The following FPR3 variants were observed in gnomAD, a reference collection of about 807,000 sequenced individuals.
The protein encoded by FPR3 is formyl peptide receptor 3, also known as N-formyl peptide receptor 3.
For synonymous variants in FPR3, 135 were observed against 163.6 expected, an observed-to-expected ratio of 0.83 and a Z score of 1.34; for missense variants, 346 against 443.2, an observed-to-expected ratio of 0.78 and a Z score of 1.97.
In FPR3 at chr19:51,824,443, A is replaced by C; in HGVS notation, c.695A>C (p.His232Pro). 6.2e-7 allele frequency: 1 copy of C among 1,614,060 alleles called. No homozygotes were observed. The highest frequency in any genetic ancestry group is 8.5e-7 in the Non-Finnish European group (1 of 1,179,994). ...GIIAAKIHRNHMIKSSRPLRV... is the reference protein window; with the variant it reads ...GIIAAKIHRNPMIKSSRPLRV... ...ATCGCTGCCAAAATTCACAGAAACC[A>C]CATGATTAAATCCAGCCGTCCCTTA... The change falls in exon 2 of 2, where the codon CAC becomes CCC. Residue 232 changes from histidine (H) to proline (P), a missense_variant. Physicochemically the swap from His to Pro is moderately conservative, Grantham distance 77. Coordinates refer to ENST00000339223, the MANE Select transcript of FPR3 (RefSeq NM_002030.5). The surrounding 1 kb of genome is among the most constrained non-coding windows in gnomAD (Gnocchi z 4.7).
chr19:51,815,734 G>A (rs1214517310), intron 1 of FPR3, among the ~76,000 whole-genome samples: 6 of 151,824 alleles, frequency 4.0e-5, no homozygotes, highest in South Asian at 4.2e-4. Context: ...GGTATCTCAC[G>A]CCTGTAGTCC....
intron 1 of FPR3, among the ~76,000 whole-genome samples, chr19:51,797,626 A>G: frequency 6.6e-6 from 1 of 152,202 alleles, no homozygotes; most frequent in East Asian, 1.9e-4. Context: ...GTGCTTACAC[A>G]TATTAACACA....
intron 1 of FPR3, among the ~76,000 whole-genome samples, chr19:51,809,238 C>T (rs1415314182): frequency 1.3e-5 from 2 of 152,204 alleles, no homozygotes; most frequent in African/African-American, 4.8e-5. Context: ...ACATGACTGT[C>T]CATCTGGACC....
chr19:51,813,687 C>G (rs1464644426), intron 1 of FPR3, among the ~76,000 whole-genome samples: 9 of 152,080 alleles, frequency 5.9e-5, no homozygotes, highest in Admixed American at 2.0e-4. Flanking sequence ...CCTGCCACCA[C>G]GCCCAGCTAA....
At chr19:51,822,721 C>T (rs985064196) in intron 1 of FPR3, among the ~76,000 whole-genome samples, 9 of 152,214 alleles carry the variant, frequency 5.9e-5, no homozygotes, top group African/African-American at 2.2e-4. Context: ...TATTCATGCT[C>T]ATTCTGTTTA....
intron 1 of FPR3, among the ~76,000 whole-genome samples, chr19:51,797,761 T>TC (rs995772828): frequency 3.0e-4 from 46 of 152,232 alleles, no homozygotes; most frequent in African/African-American, 9.9e-4. Context: ...ACCCTGAGCT[T>TC]CATAGTGCAG....
At chr19:51,806,595 C>A (rs1402900366) in intron 1 of FPR3, among the ~76,000 whole-genome samples, 1 of 152,160 alleles carries the variant, frequency 6.6e-6, no homozygotes, top group East Asian at 1.9e-4. Context: ...ATGCCTTGTC[C>A]TCTAGGATTA....
rs1307612101 is a variant in FPR3, at chr19:51,825,790, T to C, written c.*980T>C. On this transcript the variant is annotated 3_prime_UTR_variant, in exon 2 of 2. Coordinates refer to ENST00000339223, the MANE Select transcript of FPR3 (RefSeq NM_002030.5). Reference sequence around the variant, plus strand: ...AATGAGGCCACTGTGGGTGTTATTTTTTCATGTCTGGACCTCAGCCTATAT... The same window carrying C: ...AATGAGGCCACTGTGGGTGTTATTTCTTCATGTCTGGACCTCAGCCTATAT... 1 of 167,132 alleles carries C rather than the reference T, an allele frequency of 6.0e-6. No homozygotes were observed. The highest frequency in any genetic ancestry group is 2.4e-5 in the African/African-American group (1 of 41,462). 10.4% of individuals were successfully genotyped at this position (167,132 alleles called of 1,614,324 possible). A position where few individuals can be genotyped will look rare whatever the true frequency, so the allele number is the denominator to read the frequency against.
intron 1 of FPR3, among the ~76,000 whole-genome samples, chr19:51,814,609 G>A (rs1055019173): frequency 1.5e-4 from 22 of 151,324 alleles, no homozygotes; most frequent in African/African-American, 4.6e-4. Context: ...TTCTCCTGCC[G>A]CAGTCTCCTG....
intron 1 of FPR3, among the ~76,000 whole-genome samples, chr19:51,821,013 T>C (rs974866127): frequency 6.6e-6 from 1 of 152,220 alleles, no homozygotes; most frequent in Non-Finnish European, 1.5e-5. Context: ...GTTCTTGTCC[T>C]GACCTTGAGC....
chr19:51,804,056 G>A (rs2084042128), intron 1 of FPR3: 1 of 152,172 alleles, frequency 6.6e-6, no homozygotes, highest in Admixed American at 6.5e-5. Flanking sequence ...GGGATCTTGA[G>A]TACCTGAAGG....
At chr19:51,799,785 CAG>C (rs2084018482) in intron 1 of FPR3, among the ~76,000 whole-genome samples, 1 of 152,232 alleles carries the variant, frequency 6.6e-6, no homozygotes, top group Non-Finnish European at 1.5e-5. Context: ...AGGCCCCTGA[CAG>C]GGGGCCACTA....
rs2084221708 is a variant in FPR3 at position 51,824,949 on chromosome 19, AG to A, written c.*144del. 1.4e-6 allele frequency: 1 copy of A among 719,320 alleles called. No homozygotes were observed. 44.6% of individuals were successfully genotyped at this position (719,320 alleles called of 1,614,324 possible). On this transcript the variant is annotated 3_prime_UTR_variant, in exon 2 of 2. Coordinates refer to ENST00000339223, the MANE Select transcript of FPR3 (RefSeq NM_002030.5). This position sits in a 1 kb window ranked among gnomAD's most constrained non-coding sequence, Gnocchi z 4.7. ...TAAAGGAAGTCTGTACCAAATCTGT[AG>A]GGGGTTTTTCCCACAACCAAGCAAT...
chr19:51,820,996 G>A (rs2084184320), intron 1 of FPR3, among the ~76,000 whole-genome samples: 1 of 152,208 alleles, frequency 6.6e-6, no homozygotes, highest in South Asian at 2.1e-4. Context: ...CTATTGCTAT[G>A]AGCATTGTTC....
intron 1 of FPR3, among the ~76,000 whole-genome samples, chr19:51,815,245 T>C (rs925417769): frequency 2.6e-5 from 4 of 151,952 alleles, no homozygotes; most frequent in African/African-American, 9.7e-5. Flanking sequence ...GAAGGGGAAG[T>C]GGGGACTGGA....
chr19:51,807,617 T>G (rs2084068983), intron 1 of FPR3, among the ~76,000 whole-genome samples: 2 of 152,204 alleles, frequency 1.3e-5, no homozygotes, highest in Non-Finnish European at 2.9e-5. Flanking sequence ...GCATGACCTT[T>G]GGAAGAGCCA....
intron 1 of FPR3, among the ~76,000 whole-genome samples, chr19:51,821,431 CA>C (rs891601219): frequency 5.9e-5 from 9 of 152,212 alleles, no homozygotes; most frequent in African/African-American, 1.7e-4. Context: ...GGATAGAGGC[CA>C]GGGGTGTTGC....
At chr19:51,806,083 C>T (rs2084056900) in intron 1 of FPR3, among the ~76,000 whole-genome samples, 1 of 152,180 alleles carries the variant, frequency 6.6e-6, no homozygotes, top group African/African-American at 2.4e-5. Context: ...GGATTAAAAA[C>T]ACAAACCACA....
chr19:51,825,068 T>C lies in FPR3; in HGVS notation c.*258T>C, dbSNP rs2084222851. ...CAGGTTTAAGGGCTCATTCCCCAAGTCTGCTCCTCCAGTTGAGACACAAGT... is the reference window on the plus strand; with the variant it reads ...CAGGTTTAAGGGCTCATTCCCCAAGCCTGCTCCTCCAGTTGAGACACAAGT... On this transcript the variant is annotated 3_prime_UTR_variant, in exon 2 of 2. Transcript: ENST00000339223. The C allele has an allele frequency of 5.2e-6, 2 of 386,284 alleles. No homozygotes were observed. 23.9% of individuals were successfully genotyped at this position (386,284 alleles called of 1,614,324 possible).
Sources: gnomAD v4.1 joint callset for allele counts (sites outside exome capture counted in the v4.1 genomes callset) on GRCh38, gnomAD v4.1.1 for gene constraint, Gnocchi (gnomAD v3.1) non-coding constraint, MANE v1.5 for transcripts, NCBI Gene and HGNC (gene_info 2026-07-23, HGNC 2026-07-21) for gene names.